The following PLAA variants were observed in gnomAD, a reference collection of about 807,000 sequenced individuals.
PLAA encodes the protein phospholipase A-2-activating protein.
In PLAA, 48 loss-of-function variants were observed where a neutral mutation model predicts 84.1. The observed-to-expected ratio is 0.57, with a 90% confidence interval of 0.45 to 0.73. PLAA has a LOEUF of 0.73. Ranked by LOEUF, PLAA falls within the 30% of genes least tolerant of loss-of-function variation. PLAA has a pLI of 0.00. For missense variants in PLAA, 903 were observed against 954.7 expected (o/e 0.95, Z 0.71); for synonymous variants, 392 against 336.6 (o/e 1.16, Z -1.80).
At chr9:26,934,328 T>C (rs971408874) in intron 2 of PLAA, among the ~76,000 whole-genome samples, 4 of 152,162 alleles carry the variant, frequency 2.6e-5, no homozygotes, top group Non-Finnish European at 5.9e-5. Flanking sequence ...TCCTCAATAA[T>C]ACCAGAGCCC....
intron 1 of PLAA, among the ~76,000 whole-genome samples, chr9:26,946,609 T>C (rs759854380): frequency 6.6e-6 from 1 of 151,674 alleles, no homozygotes; most frequent in Admixed American, 6.6e-5. Flanking sequence ...TAAAAGAAAC[T>C]TGGGAGATCA....
intron 2 of PLAA, among the ~76,000 whole-genome samples, chr9:26,928,685 C>A (rs181350487): frequency 6.6e-6 from 1 of 152,140 alleles, no homozygotes; most frequent in African/African-American, 2.4e-5. Context: ...AACGAGGGAG[C>A]GGAACTTAAG....
At chr9:26,927,789 A>G (rs541963767) in intron 4 of PLAA, among the ~76,000 whole-genome samples, 1 of 152,356 alleles carries the variant, frequency 6.6e-6, no homozygotes, top group South Asian at 2.1e-4. Context: ...GGCTAAAAGT[A>G]TTAAAATGAC....
In PLAA at chr9:26,946,943, C is replaced by G; in HGVS notation, c.103G>C (p.Val35Leu). 6.3e-7 allele frequency: 1 copy of G among 1,586,784 alleles called. No individual in the cohort carries two copies. Among genetic ancestry groups the G allele is most frequent in the Non-Finnish European group, 8.6e-7 (1 of 1,166,380 alleles). Residue 35 changes from valine to leucine, a missense_variant, in exon 1 of 14, where the codon GTG (valine) becomes CTG (leucine). Val to Leu is a conservative substitution (Grantham distance 32). Coordinates refer to ENST00000397292, the MANE Select transcript of PLAA (RefSeq NM_001031689.3). Reference protein sequence around the residue: ...VCCAYPPGAFVSVSRDRTTRL... With the variant: ...VCCAYPPGAFLSVSRDRTTRL... ...GTGGTGCGGTCTCGGGACACGGACA[C>G]AAAGGCTCCCGGCGGATAGGCGCAG... is the stretch of plus-strand genomic sequence containing the variant.
intron 12 of PLAA, among the ~76,000 whole-genome samples, 172 bp from the exon 13 acceptor site, chr9:26,908,170 T>TA (rs1824294868): frequency 6.8e-6 from 1 of 147,300 alleles, no homozygotes; most frequent in African/African-American, 2.6e-5. Context: ...GCTTTGTCTT[T>TA]TTTTTTTTTT....
At chr9:26,921,746 C>T (rs1824767639) in intron 7 of PLAA, among the ~76,000 whole-genome samples, 1 of 152,136 alleles carries the variant, frequency 6.6e-6, no homozygotes, top group Admixed American at 6.5e-5. Flanking sequence ...AGATACTAGT[C>T]ATATGGAAAA....
At chr9:26,936,012 T>C (rs530675680) in intron 1 of PLAA, among the ~76,000 whole-genome samples, 6 of 152,196 alleles carry the variant, frequency 3.9e-5, no homozygotes, top group African/African-American at 1.2e-4. Flanking sequence ...TGATTTACTA[T>C]GTGGAAAGCA....
chr9:26,941,209 G>C (rs527471352), intron 1 of PLAA, among the ~76,000 whole-genome samples: 38 of 150,470 alleles, frequency 2.5e-4, no homozygotes, highest in Non-Finnish European at 4.9e-4. Context: ...TGTGCAGCTA[G>C]ACAACCCAGC....
At chr9:26,909,164 G>T (rs1008773903) in intron 12 of PLAA, among the ~76,000 whole-genome samples, 2 of 151,970 alleles carry the variant, frequency 1.3e-5, no homozygotes, top group Non-Finnish European at 1.5e-5. Flanking sequence ...TCCAAATTCC[G>T]ATAATAAGGA....
rs1481272488 is a variant in PLAA, at chr9:26,904,772, G to C, written c.*739C>G. ...AATTCCCTTTGAAATAATGGAAAAT[G>C]ACAAAAATAAACAGCCAAATATCAA... On this transcript the variant is annotated 3_prime_UTR_variant, in exon 14 of 14. Coordinates refer to ENST00000397292, the MANE Select transcript of PLAA (RefSeq NM_001031689.3). 1 of 152,284 alleles carries C rather than the reference G, an allele frequency of 6.6e-6. No homozygotes were observed. Among genetic ancestry groups the C allele is most frequent in the Non-Finnish European group, 1.5e-5 (1 of 67,986 alleles). The allele number at this position is 152,284 out of a possible 1,614,324, so 9.4% of individuals were successfully genotyped here. A position where few individuals can be genotyped will look rare whatever the true frequency, so the allele number is the denominator to read the frequency against.
intron 11 of PLAA, 81 bp from the exon 12 acceptor site, chr9:26,910,520 A>G: frequency 9.6e-7 from 1 of 1,045,424 alleles, no homozygotes; most frequent in Non-Finnish European, 1.4e-6. Context: ...CTTAGTTTTC[A>G]CAATTATTGA....
intron 8 of PLAA, 95 bp from the exon 9 acceptor site, chr9:26,919,624 T>C (rs892585943): frequency 2.8e-6 from 2 of 712,614 alleles, no homozygotes; most frequent in Non-Finnish European, 4.7e-6. Flanking sequence ...TCTTTAATAA[T>C]TACAGTACTT....
chr9:26,937,931 T>C (rs998271514), intron 1 of PLAA, among the ~76,000 whole-genome samples: 1 of 150,008 alleles, frequency 6.7e-6, no homozygotes, highest in Admixed American at 6.6e-5. Context: ...TAGGCCAGCA[T>C]ACAGATTGTG....
In PLAA at chr9:26,903,500, A is replaced by G. The variant is rs1824141699; in HGVS notation, c.*2011T>C. Among the ~76,000 whole-genome samples, 1 of 152,218 alleles carries G rather than the reference A, an allele frequency of 6.6e-6. No homozygotes were observed. The highest frequency in any genetic ancestry group is 1.5e-5 in the Non-Finnish European group (1 of 68,022). ...ATAAAATACATTTACATACATAGTC[A>G]CTATGCCACAAGATGTTAAGAATAG... On this transcript the variant is annotated 3_prime_UTR_variant, in exon 14 of 14. Coordinates refer to ENST00000397292, the MANE Select transcript of PLAA (RefSeq NM_001031689.3).
At chr9:26,934,138 G>C (rs1158449291) in intron 2 of PLAA, among the ~76,000 whole-genome samples, 1 of 152,072 alleles carries the variant, frequency 6.6e-6, no homozygotes, top group Non-Finnish European at 1.5e-5. Flanking sequence ...AGGAATTTAA[G>C]TGTTTATGAA....
chr9:26,920,477 A>C (rs914474168), intron 7 of PLAA, 93 bp from the exon 8 acceptor site: 1 of 700,554 alleles, frequency 1.4e-6, no homozygotes, highest in Non-Finnish European at 2.2e-6. Context: ...AAATTTACAC[A>C]TAAGAGAATA....
chr9:26,933,484 T>A (rs1825250537), intron 2 of PLAA, among the ~76,000 whole-genome samples: 1 of 151,770 alleles, frequency 6.6e-6, no homozygotes, highest in Admixed American at 6.5e-5. Context: ...AAAAATAATT[T>A]AAAATAAAAA....
intron 7 of PLAA, among the ~76,000 whole-genome samples, chr9:26,921,518 C>T (rs907642791): frequency 2.4e-4 from 37 of 152,280 alleles, no homozygotes; most frequent in African/African-American, 8.9e-4. Flanking sequence ...TTTTGGTTGA[C>T]TACAAAAAGA....
intron 1 of PLAA, among the ~76,000 whole-genome samples, chr9:26,938,584 G>C (rs1477968486): frequency 6.6e-6 from 1 of 151,296 alleles, no homozygotes; most frequent in East Asian, 1.9e-4. Flanking sequence ...AAAATGGTGA[G>C]GGAGTTTGCT....
Sources: gnomAD v4.1 joint callset for allele counts (sites outside exome capture counted in the v4.1 genomes callset) on GRCh38, gnomAD v4.1.1 for gene constraint, MANE v1.5 for transcripts, NCBI Gene and HGNC (gene_info 2026-07-23, HGNC 2026-07-21) for gene names.